The following RBFOX3 variants were observed in gnomAD, a reference collection of about 807,000 sequenced individuals.
RBFOX3 encodes RNA binding fox-1 homolog 3.
RBFOX3 carries 17 observed loss-of-function variants against 48.7 expected under a neutral mutation model. The ratio of observed to expected loss-of-function variants is 0.35; its 90% CI spans 0.24 to 0.52. The LOEUF (loss-of-function observed/expected upper bound fraction) is 0.52. RBFOX3 is among the 20% of genes least tolerant of loss of function. The pLI, the probability that RBFOX3 is intolerant of heterozygous loss-of-function variation, is 0.94. For synonymous variants in RBFOX3, 212 were observed against 209.5 expected, an observed-to-expected ratio of 1.01 and a Z score of -0.10; for missense variants, 382 against 497.5, an observed-to-expected ratio of 0.77 and a Z score of 2.21.
chr17:79,408,375 C>T (rs866325681), intron 2 of RBFOX3, among the ~76,000 whole-genome samples: 8 of 152,122 alleles, frequency 5.3e-5, no homozygotes, highest in Non-Finnish European at 4.4e-5. Flanking sequence ...GGTGAGTCCA[C>T]GGGGCAGAAT....
chr17:79,468,646 G>C (rs1248328841), intron 2 of RBFOX3, among the ~76,000 whole-genome samples: 2 of 151,770 alleles, frequency 1.3e-5, no homozygotes, highest in East Asian at 3.9e-4. Context: ...CAGAAGGATG[G>C]ATGGATGAAT....
chr17:79,182,826 C>A (rs1297737653), intron 4 of RBFOX3, among the ~76,000 whole-genome samples: 1 of 151,504 alleles, frequency 6.6e-6, no homozygotes, highest in Non-Finnish European at 1.5e-5. Context: ...TCGGCGCCCC[C>A]GCCGCCACCT....
At chr17:79,435,109 T>A (rs1233699647) in intron 2 of RBFOX3, among the ~76,000 whole-genome samples, 1 of 152,216 alleles carries the variant, frequency 6.6e-6, no homozygotes, top group African/African-American at 2.4e-5. Flanking sequence ...GACCCCAATA[T>A]CTGGCTCTGC....
intron 2 of RBFOX3, among the ~76,000 whole-genome samples, chr17:79,465,674 G>A (rs1002577684): frequency 3.3e-5 from 5 of 152,116 alleles, no homozygotes; most frequent in African/African-American, 7.2e-5. Flanking sequence ...GAGCAGCCCC[G>A]TGGCCAGCTT....
At chr17:79,486,464 C>A (rs1288223737) in intron 1 of RBFOX3, among the ~76,000 whole-genome samples, 1 of 152,198 alleles carries the variant, frequency 6.6e-6, no homozygotes, top group African/African-American at 2.4e-5. Context: ...GCCTCCTCAA[C>A]TCCCCTTCTT....
intron 2 of RBFOX3, among the ~76,000 whole-genome samples, chr17:79,339,248 G>A (rs754068366): frequency 2.0e-5 from 3 of 152,064 alleles, no homozygotes; most frequent in South Asian, 2.1e-4. Flanking sequence ...TAGAGACAGG[G>A]TTTTGCTGTG....
chr17:79,227,625 G>T (rs944545292), intron 4 of RBFOX3, among the ~76,000 whole-genome samples: 1 of 152,170 alleles, frequency 6.6e-6, no homozygotes, highest in Non-Finnish European at 1.5e-5. Context: ...GACTGGCGGC[G>T]GTTACTCACT....
chr17:79,366,582 A>G (rs2057781551), intron 2 of RBFOX3, among the ~76,000 whole-genome samples: 1 of 152,144 alleles, frequency 6.6e-6, no homozygotes, highest in South Asian at 2.1e-4. Flanking sequence ...CCGGCGAGAG[A>G]GCCAGCCCAA....
In RBFOX3 at chr17:79,463,360, C is replaced by T. The variant is rs1245301482; in HGVS notation, c.-175+19094G>A. On this transcript the variant is annotated intron_variant, in intron 2 of 14. Coordinates refer to ENST00000693108, the MANE Select transcript of RBFOX3 (RefSeq NM_001350451.2). ...CCACCATCGCCACCTCCACCGCCATCGCCACCGCCAGTGCCACCGCCACCT... is the reference window on the plus strand; with the variant it reads ...CCACCATCGCCACCTCCACCGCCATTGCCACCGCCAGTGCCACCGCCACCT... Among the ~76,000 whole-genome samples the T allele has an allele frequency of 2.9e-5, 3 of 102,982 alleles. 1 individual carries two copies. The highest frequency in any genetic ancestry group is 9.4e-5 in the Admixed American group (1 of 10,614). The allele number at this position is 102,982 out of a possible 152,430, so 67.6% of individuals were successfully genotyped here.
At position 79,438,104 on chromosome 17, in the gene RBFOX3, G is replaced by GCACACA. The variant is rs10659732; in HGVS notation, c.-175+44344_-175+44349dup. ...CATGCACACACACAGGTGCACAGGC[G>GCACACA]CACACACACACACACACACGTCACC... On this transcript the variant is annotated intron_variant, in intron 2 of 14. Transcript: ENST00000693108. Among the ~76,000 whole-genome samples, 230 of 150,784 alleles carry GCACACA rather than the reference G, an allele frequency of 1.5e-3. 2 individuals carry two copies. The East Asian group carries it at 0.022, about 14-fold the overall frequency.
intron 1 of RBFOX3, among the ~76,000 whole-genome samples, chr17:79,504,694 A>G (rs1335450490): frequency 1.3e-5 from 2 of 152,188 alleles, no homozygotes; most frequent in Admixed American, 1.3e-4. Flanking sequence ...TGGTGATTAC[A>G]TTTAGGGCCC....
the RBFOX3 span, among the ~76,000 whole-genome samples, chr17:79,626,490 A>T: frequency 6.6e-6 from 1 of 152,114 alleles, no homozygotes; most frequent in East Asian, 1.9e-4. Flanking sequence ...TACTAAAATC[A>T]TCATCCCCCG....
chr17:79,210,922 C>T (rs1389202808), intron 4 of RBFOX3, among the ~76,000 whole-genome samples: 2 of 151,922 alleles, frequency 1.3e-5, no homozygotes, highest in East Asian at 1.9e-4. Context: ...TGGGCCACCT[C>T]GGTATCCCCA....
intron 2 of RBFOX3, among the ~76,000 whole-genome samples, chr17:79,335,227 T>C (rs1473949462): frequency 6.6e-6 from 1 of 152,138 alleles, no homozygotes; most frequent in Admixed American, 6.5e-5. Flanking sequence ...GTGGCCAACA[T>C]GAGTATGCTT....
Position 79,097,543 on chromosome 17 carries a change from C to A in RBFOX3, c.623-119G>T, listed in dbSNP as rs1380694009. 5.6e-6 allele frequency: 8 copies of A among 1,419,662 alleles called. No homozygotes were observed. The African/African-American group carries it at 7.3e-5, about 13-fold the overall frequency. 87.9% of individuals were successfully genotyped at this position (1,419,662 alleles called of 1,614,324 possible). A position where few individuals can be genotyped will look rare whatever the true frequency, so the allele number is the denominator to read the frequency against. On this transcript the variant is annotated intron_variant, in intron 10 of 14. Transcript: ENST00000693108. The stretch of plus-strand genomic sequence containing the variant: ...CCCCCAACCCCTCCCCAAGCCCCGC[C>A]CCCGGAGCGCTACTCAGTCAACACG...
At chr17:79,463,622 GCCA>G (rs1412297649) in intron 2 of RBFOX3, among the ~76,000 whole-genome samples, 8 of 114,970 alleles carry the variant, frequency 7.0e-5, no homozygotes, top group African/African-American at 2.8e-4. Context: ...CACCGCCATC[GCCA>G]CCGCCACTGC....
chr17:79,445,768 T>A (rs945314798), intron 2 of RBFOX3, among the ~76,000 whole-genome samples: 3 of 152,216 alleles, frequency 2.0e-5, no homozygotes, highest in African/African-American at 7.2e-5. Flanking sequence ...TGCCCTGTTT[T>A]ATTGCTAGAA....
intron 2 of RBFOX3, among the ~76,000 whole-genome samples, chr17:79,375,858 G>A (rs899727777): frequency 7.9e-5 from 12 of 152,178 alleles, no homozygotes; most frequent in Non-Finnish European, 2.9e-5. Context: ...TCCTGGCCCT[G>A]CCCCACACCA....
At chr17:79,098,056 C>T in intron 9 of RBFOX3, 4 of 387,660 alleles carry the variant, frequency 1.0e-5, no homozygotes, top group Non-Finnish European at 1.9e-5. Context: ...ACCCACCTCC[C>T]AGAAGAGAAC....
Sources: gnomAD v4.1 joint callset for allele counts (sites outside exome capture counted in the v4.1 genomes callset) on GRCh38, gnomAD v4.1.1 for gene constraint, MANE v1.5 for transcripts, NCBI Gene and HGNC (gene_info 2026-07-23, HGNC 2026-07-21) for gene names.